Variants in GYS2 observed in about 807,000 individuals in gnomAD.
GYS2 encodes glycogen synthase 2.
A neutral mutation model predicts 85.6 loss-of-function variants in GYS2; 80 were observed. That is an observed-to-expected ratio of 0.93 (90% CI 0.78 to 1.13). The LOEUF is 1.13. GYS2 is among the 50% of genes most tolerant of loss of function. GYS2 has a pLI of 0.00. For synonymous variants in GYS2, 328 were observed against 300.7 expected (o/e 1.09, Z -0.94); for missense variants, 881 against 854.9 (o/e 1.03, Z -0.38).
At chr12:21,584,558 C>A (rs1355707615) in intron 1 of GYS2, among the ~76,000 whole-genome samples, 1 of 152,176 alleles carries the variant, frequency 6.6e-6, no homozygotes, top group Non-Finnish European at 1.5e-5. Context: ...ACATGGACTT[C>A]CACTCACCAA....
intron 1 of GYS2, among the ~76,000 whole-genome samples, chr12:21,582,819 A>G (rs890574415): frequency 6.6e-6 from 1 of 152,194 alleles, no homozygotes; most frequent in Admixed American, 6.5e-5. Context: ...AATGGTATGG[A>G]GAACACTGAT....
At chr12:21,544,238 T>TCC (rs1944012020) in intron 12 of GYS2, among the ~76,000 whole-genome samples, 1 of 152,166 alleles carries the variant, frequency 6.6e-6, no homozygotes, top group Non-Finnish European at 1.5e-5. Flanking sequence ...AGTGACCAGC[T>TCC]CCCTTTGGTT....
downstream of GYS2, chr12:21,532,962 C>A (rs1052839058): frequency 6.6e-6 from 1 of 152,166 alleles, no homozygotes; most frequent in African/African-American, 2.4e-5. Context: ...CTATAACTTT[C>A]CAACTCTCTT....
At chr12:21,597,849 G>C (rs1350838500) in intron 1 of GYS2, among the ~76,000 whole-genome samples, 4 of 152,072 alleles carry the variant, frequency 2.6e-5, no homozygotes, top group Non-Finnish European at 5.9e-5. Flanking sequence ...ACACACAATT[G>C]AATATTATTC....
At chr12:21,533,979 T>C (rs1350316094), downstream of GYS2, among the ~76,000 whole-genome samples, 2 of 152,190 alleles carry the variant, frequency 1.3e-5, no homozygotes, top group East Asian at 1.9e-4. Flanking sequence ...GCCTCTTTTA[T>C]AAGGGCAGTA....
intron 4 of GYS2, among the ~76,000 whole-genome samples, chr12:21,571,755 G>A (rs952848232): frequency 6.6e-6 from 1 of 152,104 alleles, no homozygotes; most frequent in African/African-American, 2.4e-5. Flanking sequence ...GAGCTCAGGA[G>A]ATCGAGGCGA....
chr12:21,568,193 A>G (rs1476178824), intron 5 of GYS2, among the ~76,000 whole-genome samples: 1 of 152,236 alleles, frequency 6.6e-6, no homozygotes, highest in African/African-American at 2.4e-5. Context: ...CCAGTGCAAC[A>G]AAGTAGAAAA....
At chr12:21,535,294 C>T (rs762813554), downstream of GYS2, among the ~76,000 whole-genome samples, 7 of 152,100 alleles carry the variant, frequency 4.6e-5, no homozygotes, top group Non-Finnish European at 8.8e-5. Context: ...ACACGTTAAG[C>T]TAGTTTACTG....
At chr12:21,602,827 C>T (rs1473230827) in intron 1 of GYS2, among the ~76,000 whole-genome samples, 1 of 152,000 alleles carries the variant, frequency 6.6e-6, no homozygotes, top group African/African-American at 2.4e-5. Flanking sequence ...GCCCAGGTAA[C>T]AGTGCTCCAT....
At position 21,559,689 on chromosome 12, in the gene GYS2, C is replaced by T. The variant is rs368757293; in HGVS notation, c.1191G>A (p.Lys397=). ...KQLWDVAHSV[K]EKFGKKLYDA... ...CATAGAGTTTTTTTCCAAACTTTTC[C>T]TTCACAGAATGTGCAACATCCCTGT... Residue 397 remains lysine, a synonymous_variant, in exon 9 of 16, where the codon AAG becomes AAA. Coordinates refer to ENST00000261195, the MANE Select transcript of GYS2 (RefSeq NM_021957.4). The T allele has an allele frequency of 6.9e-6, 11 of 1,594,610 alleles. No individual in the cohort carries two copies. Among genetic ancestry groups the T allele is most frequent in the Non-Finnish European group, 8.6e-6 (10 of 1,162,420 alleles).
At chr12:21,552,872 G>A (rs1003458218) in intron 11 of GYS2, among the ~76,000 whole-genome samples, 18 of 152,072 alleles carry the variant, frequency 1.2e-4, no homozygotes, top group African/African-American at 3.1e-4. Flanking sequence ...TTTATAAAAC[G>A]TCTTACCAAA....
intron 1 of GYS2, among the ~76,000 whole-genome samples, chr12:21,593,226 A>C (rs995351146): frequency 6.6e-6 from 1 of 151,900 alleles, no homozygotes. Flanking sequence ...ACAAGCTAGA[A>C]AAGCAAGAAC....
In GYS2 at chr12:21,568,935, G is replaced by A. The variant is rs779543684; in HGVS notation, c.753C>T (p.Cys251=). 3.7e-6 allele frequency: 6 copies of A among 1,612,492 alleles called. No individual in the cohort carries two copies. Among genetic ancestry groups the A allele is most frequent in the Non-Finnish European group, 4.2e-6 (5 of 1,178,598 alleles). The part of the protein sequence containing the change: ...RYCMERASVH[C]AHVFTTVSEI... ...CAGAAACCGTGGTGAACACGTGAGC[G>A]CAATGAACGGAAGCTCGCTCCATGC... The change falls in exon 5 of 16, where the codon TGC becomes TGT. Residue 251 remains cysteine, a synonymous_variant. Coordinates refer to ENST00000261195, the MANE Select transcript of GYS2 (RefSeq NM_021957.4).
chr12:21,533,631 G>A (rs988452160), downstream of GYS2, among the ~76,000 whole-genome samples: 1 of 152,130 alleles, frequency 6.6e-6, no homozygotes, highest in Non-Finnish European at 1.5e-5. Flanking sequence ...GACTTAACTA[G>A]TCCCCCTCCT....
chr12:21,560,243 C>T (rs930383941), intron 8 of GYS2, 143 bp downstream of exon 8: 12 of 658,348 alleles, frequency 1.8e-5, no homozygotes, highest in African/African-American at 7.2e-5. Context: ...AATAGTAGCA[C>T]GATGAAAAGA....
intron 11 of GYS2, among the ~76,000 whole-genome samples, chr12:21,555,573 C>T (rs1486225497): frequency 6.6e-6 from 1 of 152,204 alleles, no homozygotes; most frequent in South Asian, 2.1e-4. Context: ...TTTGTCTCAT[C>T]TGAGTTCCTC....
chr12:21,542,720 A>T, intron 12 of GYS2, 129 bp from the exon 13 acceptor site: 1 of 707,590 alleles, frequency 1.4e-6, no homozygotes, highest in Non-Finnish European at 2.6e-6. Context: ...CACAACACTA[A>T]ACTCTTTACA....
chr12:21,568,605 C>T (rs1030206562), intron 5 of GYS2, among the ~76,000 whole-genome samples: 1 of 152,148 alleles, frequency 6.6e-6, no homozygotes, highest in South Asian at 2.1e-4. Context: ...TTATGACAAC[C>T]CAGGTCATAC....
intron 2 of GYS2, among the ~76,000 whole-genome samples, chr12:21,578,719 T>C (rs557369557): frequency 1.3e-5 from 2 of 152,226 alleles, no homozygotes; most frequent in East Asian, 3.9e-4. Context: ...TTTTCCTTTT[T>C]TGAGTGAGAC....
Sources: gnomAD v4.1 joint callset for allele counts (sites outside exome capture counted in the v4.1 genomes callset) on GRCh38, gnomAD v4.1.1 for gene constraint, MANE v1.5 for transcripts, NCBI Gene and HGNC (gene_info 2026-07-23, HGNC 2026-07-21) for gene names.